The following SSBP3 variants were observed in gnomAD, a reference collection of about 807,000 sequenced individuals.
The protein encoded by SSBP3 is single-stranded DNA-binding protein 3.
A neutral mutation model predicts 69.6 loss-of-function variants in SSBP3; 5 were observed. The ratio of observed to expected loss-of-function variants is 0.07; its 90% CI spans 0.04 to 0.15. SSBP3 has a LOEUF of 0.15. Among genes scored for constraint, SSBP3 ranks in the 10% least tolerant of loss-of-function variants. SSBP3 has a pLI of 1.00. For synonymous variants in SSBP3, 196 were observed against 193.4 expected (o/e 1.01, Z -0.11); for missense variants, 312 against 534.0 (o/e 0.58, Z 4.10).
chr1:54,294,854 GA>G (rs1479943875), intron 4 of SSBP3, among the ~76,000 whole-genome samples: 2 of 152,136 alleles, frequency 1.3e-5, no homozygotes, highest in African/African-American at 4.8e-5. Context: ...GACAGCAGAG[GA>G]AAAAGGGGCT....
intron 4 of SSBP3, among the ~76,000 whole-genome samples, chr1:54,396,237 C>T (rs1010962727): frequency 7.1e-6 from 1 of 140,700 alleles, no homozygotes; most frequent in South Asian, 2.3e-4. Flanking sequence ...ATTACCCCAG[C>T]GAATCAAAAA....
intron 5 of SSBP3, among the ~76,000 whole-genome samples, chr1:54,275,022 C>T (rs1448463244): frequency 3.3e-5 from 5 of 152,206 alleles, no homozygotes; most frequent in Admixed American, 1.3e-4. Flanking sequence ...TGGCTGTGCC[C>T]TGTGCCTGGC....
intron 9 of SSBP3, among the ~76,000 whole-genome samples, chr1:54,247,859 C>G (rs1028686962): frequency 4.6e-5 from 7 of 152,200 alleles, no homozygotes; most frequent in Non-Finnish European, 8.8e-5. Context: ...GACGTTACTA[C>G]CTGATACTGA....
intron 4 of SSBP3, among the ~76,000 whole-genome samples, chr1:54,379,521 G>C (rs775055689): frequency 3.3e-5 from 5 of 152,160 alleles, no homozygotes; most frequent in Non-Finnish European, 7.4e-5. Context: ...GTTTTGTTTT[G>C]ATTTTGGTTG....
At chr1:54,270,240 C>T (rs1296847969) in intron 5 of SSBP3, among the ~76,000 whole-genome samples, 2 of 152,170 alleles carry the variant, frequency 1.3e-5, no homozygotes, top group African/African-American at 2.4e-5. Context: ...TGCAGGCGCA[C>T]AGGTGAAGAC....
chr1:54,228,893 G>A (rs1570175358), intron 14 of SSBP3, 67 bp from the exon 15 acceptor site: 1 of 1,528,622 alleles, frequency 6.5e-7, no homozygotes, highest in South Asian at 1.2e-5. Flanking sequence ...CACAGGCAGG[G>A]GGCTGCAGCC....
At chr1:54,404,962 G>A (rs560341099) in intron 1 of SSBP3, 32 bp from the exon 2 acceptor site, 6 of 1,594,192 alleles carry the variant, frequency 3.8e-6, no homozygotes, top group East Asian at 4.5e-5. Flanking sequence ...AAGAGAGAGA[G>A]GGAAAGGCGT....
chr1:54,251,591 G>C (rs1020932633), intron 9 of SSBP3, 25 bp downstream of exon 9: 1 of 1,549,812 alleles, frequency 6.5e-7, no homozygotes, highest in Non-Finnish European at 8.7e-7. Flanking sequence ...CCAGGGAGAC[G>C]GACGGACAGA....
At chr1:54,251,944 G>T in intron 7 of SSBP3, 84 bp from the exon 8 acceptor site, 4 of 1,196,602 alleles carry the variant, frequency 3.3e-6, no homozygotes, top group Non-Finnish European at 3.7e-6. Context: ...CCCACCCAGT[G>T]CCCCGTGTGA....
At chr1:54,228,221 G>A in intron 17 of SSBP3, 34 bp downstream of exon 17, 1 of 1,593,556 alleles carries the variant, frequency 6.3e-7, no homozygotes, top group Non-Finnish European at 8.6e-7. Context: ...CCAGGCCGTG[G>A]GGACGAGAGC....
At chr1:54,407,036 G>T (rs1169028053), upstream of SSBP3, among the ~76,000 whole-genome samples, 1 of 152,060 alleles carries the variant, frequency 6.6e-6, no homozygotes, top group Non-Finnish European at 1.5e-5. Flanking sequence ...CTGAGAGCTG[G>T]GCGGCTCGAG....
At chr1:54,355,389 G>A (rs986753646) in intron 4 of SSBP3, among the ~76,000 whole-genome samples, 7 of 152,086 alleles carry the variant, frequency 4.6e-5, no homozygotes, top group Non-Finnish European at 8.8e-5. Flanking sequence ...TCACTCTGTC[G>A]CCCAGGCTGG....
chr1:54,294,376 G>C (rs151258830), intron 4 of SSBP3, among the ~76,000 whole-genome samples: 2 of 149,108 alleles, frequency 1.3e-5, no homozygotes, highest in South Asian at 4.2e-4. Context: ...CCTTCTGCCC[G>C]TAAAGCCCTC....
chr1:54,364,838 C>A (rs918936018), intron 4 of SSBP3, among the ~76,000 whole-genome samples: 1 of 152,204 alleles, frequency 6.6e-6, no homozygotes, highest in Non-Finnish European at 1.5e-5. Flanking sequence ...TTTCTCTCCC[C>A]ATTACCTGCA....
intron 5 of SSBP3, among the ~76,000 whole-genome samples, chr1:54,275,579 C>G (rs1336700812): frequency 2.0e-5 from 3 of 152,218 alleles, no homozygotes; most frequent in Non-Finnish European, 4.4e-5. Flanking sequence ...CTTTGACCCT[C>G]CCTGTGAACA....
At chr1:54,257,910 A>G (rs1412156343) in intron 6 of SSBP3, among the ~76,000 whole-genome samples, 159 bp downstream of exon 6, 2 of 152,262 alleles carry the variant, frequency 1.3e-5, no homozygotes, top group Non-Finnish European at 2.9e-5. Flanking sequence ...ACTGAAGACT[A>G]TCTTTAGAAA....
chr1:54,225,492 A>C, exon 18 of SSBP3: 1 of 1,118,678 alleles, frequency 8.9e-7, no homozygotes, highest in Non-Finnish European at 1.1e-6. Context: ...ACAAACTACA[A>C]TGTATCATAA....
intron 5 of SSBP3, among the ~76,000 whole-genome samples, chr1:54,272,238 C>T (rs1645205419): frequency 2.0e-5 from 3 of 152,088 alleles, no homozygotes; most frequent in Admixed American, 2.0e-4. Context: ...TACTGTGGTT[C>T]CCTGCACTTA....
chr1:54,318,524 T>C (rs746369877), intron 4 of SSBP3, among the ~76,000 whole-genome samples: 12 of 152,068 alleles, frequency 7.9e-5, no homozygotes, highest in Non-Finnish European at 1.6e-4. Context: ...CACCAAGCTA[T>C]AGTTACACCA....
Sources: allele counts gnomAD v4.1 joint callset (sites outside exome capture counted in the v4.1 genomes callset), GRCh38; gene constraint gnomAD v4.1.1; transcripts MANE v1.5; gene names NCBI Gene and HGNC (gene_info 2026-07-23, HGNC 2026-07-21).